KCNH3: variants seen among roughly 807,000 people sequenced by gnomAD.
KCNH3 encodes potassium voltage-gated channel subfamily H member 3.
KCNH3 carries 36 observed loss-of-function variants against 95.6 expected under a neutral mutation model. That is an observed-to-expected ratio of 0.38 (90% CI 0.29 to 0.50). KCNH3 has a LOEUF of 0.50. KCNH3 is among the 20% of genes least tolerant of loss of function. KCNH3 has a pLI of 0.95. For synonymous variants in KCNH3, 620 were observed against 646.3 expected, an observed-to-expected ratio of 0.96 and a Z score of 0.62; for missense variants, 1,030 against 1,484.1, an observed-to-expected ratio of 0.69 and a Z score of 5.03.
chr12:49,552,148 T>C (rs957503377), intron 10 of KCNH3, among the ~76,000 whole-genome samples: 1 of 152,212 alleles, frequency 6.6e-6, no homozygotes, highest in African/African-American at 2.4e-5. Flanking sequence ...TTTTCACCAC[T>C]GTAGACTGGT....
At chr12:49,556,675 A>G in intron 13 of KCNH3, 199 bp downstream of exon 13, 1 of 699,994 alleles carries the variant, frequency 1.4e-6, no homozygotes, top group Non-Finnish European at 2.6e-6. Context: ...CGACGCAGCC[A>G]GGAACTGGGT....
At chr12:49,551,681 G>A (rs977516840) in intron 10 of KCNH3, among the ~76,000 whole-genome samples, 4 of 152,126 alleles carry the variant, frequency 2.6e-5, no homozygotes, top group Admixed American at 2.6e-4. Context: ...CATGTGACCG[G>A]TGTGGGTAGT....
Position 49,544,025 on chromosome 12 carries a change from A to G in KCNH3, c.934A>G (p.Ile312Val). 1 of 1,613,896 alleles carries G rather than the reference A, an allele frequency of 6.2e-7. No homozygotes were observed. Among genetic ancestry groups the G allele is most frequent in the Non-Finnish European group, 8.5e-7 (1 of 1,179,744 alleles). ...CACCACCTGGTTCCTGCTGGATGTCATCGCAGCGCTGCCCTTTGACCTGCT... is the reference window on the plus strand; with the variant it reads ...CACCACCTGGTTCCTGCTGGATGTCGTCGCAGCGCTGCCCTTTGACCTGCT... ...YVTTWFLLDV[I>V]AALPFDLLHA... is the part of the protein sequence containing the mutation. The change falls in exon 6 of 15, where the codon ATC (isoleucine) becomes GTC (valine). Residue 312 changes from isoleucine (I) to valine (V), a missense_variant. Coordinates refer to ENST00000257981, the MANE Select transcript of KCNH3 (RefSeq NM_012284.3).
chr12:49,541,089 G>A lies in KCNH3; in HGVS notation c.267G>A (p.Glu89=), dbSNP rs1232434754. Reference sequence around the variant, plus strand: ...AACAGATCCGCAAGGCCCTGGACGAGCACAAGGAGTTCAAGGCTGAGCTGA... The same window carrying A: ...AACAGATCCGCAAGGCCCTGGACGAACACAAGGAGTTCAAGGCTGAGCTGA... ...VRQQIRKALD[E]HKEFKAELIL... Residue 89 remains glutamate (E), a synonymous_variant, in exon 2 of 15, where the codon GAG becomes GAA. Transcript: ENST00000257981. 4 of 1,610,516 alleles carry A rather than the reference G, an allele frequency of 2.5e-6. No individual in the cohort carries two copies. The highest frequency in any genetic ancestry group is 3.3e-5 in the Admixed American group (2 of 60,036).
intron 7 of KCNH3, among the ~76,000 whole-genome samples, chr12:49,548,135 C>T (rs563243224): frequency 0.032 from 4,247 of 131,980 alleles, 94 homozygotes; most frequent in Middle Eastern, 0.078. Flanking sequence ...TGTGTGTGTG[C>T]GCGCGCACCT....
intron 10 of KCNH3, among the ~76,000 whole-genome samples, chr12:49,551,574 CAAAAAAAAAAAAAA>C (rs59344956): frequency 3.5e-5 from 2 of 57,556 alleles, no homozygotes; most frequent in African/African-American, 5.4e-5. Flanking sequence ...GACTCTGTCT[CAAAAAAAAAAAAAA>C]AAAAAAAAAA....
chr12:49,557,338 C>T lies in KCNH3; in HGVS notation c.2653-16C>T, dbSNP rs1240033970. ...GGCTGACTCCATTCTGACCTCGCCTCCTCCCTCCCCCAAAGGTGACAGAGC... is the reference window on the plus strand; with the variant it reads ...GGCTGACTCCATTCTGACCTCGCCTTCTCCCTCCCCCAAAGGTGACAGAGC... On this transcript the variant is annotated splice_polypyrimidine_tract_variant and intron_variant, in intron 14 of 14. Transcript: ENST00000257981. 4 of 1,610,260 alleles carry T rather than the reference C, an allele frequency of 2.5e-6. No individual in the cohort carries two copies. The Admixed American group carries it at 5.0e-5, about 20-fold the overall frequency.
intron 10 of KCNH3, among the ~76,000 whole-genome samples, chr12:49,553,696 G>C (rs953197864): frequency 6.6e-6 from 1 of 152,198 alleles, no homozygotes; most frequent in Non-Finnish European, 1.5e-5. Context: ...TAACCTGCCT[G>C]TGGGAAAACC....
chr12:49,555,284 CAAAA>C (rs1157061451), intron 11 of KCNH3, among the ~76,000 whole-genome samples: 1 of 66,870 alleles, frequency 1.5e-5, no homozygotes. Flanking sequence ...ACTAAAAATA[CAAAA>C]AAAAAAAAAA....
Position 49,549,189 on chromosome 12 carries a change from C to G in KCNH3, c.1468+16C>G. On this transcript the variant is annotated intron_variant, in intron 8 of 14. Coordinates refer to ENST00000257981, the MANE Select transcript of KCNH3 (RefSeq NM_012284.3). ...CTCATCGGCGGTGAGCCCGGCCGCG[C>G]GCGTCTTCCCGGGGCCACTCCCAGA... The G allele has an allele frequency of 1.9e-6, 3 of 1,565,940 alleles. No individual in the cohort carries two copies. The highest frequency in any genetic ancestry group is 1.4e-5 in the African/African-American group (1 of 73,670).
In KCNH3 at chr12:49,548,890, C is replaced by T; in HGVS notation, c.1190-5C>T. On this transcript the variant is annotated splice_polypyrimidine_tract_variant and splice_region_variant and intron_variant, in intron 7 of 14. Transcript: ENST00000257981. ...CCTGCTCAGGCCCTGCTGTTCCCCC[C>T]TCAGGCTGGCTGCAGGAGCTGGCCC... The T allele has an allele frequency of 6.4e-7, 1 of 1,561,814 alleles. No individual in the cohort carries two copies. Among genetic ancestry groups the T allele is most frequent in the Non-Finnish European group, 8.7e-7 (1 of 1,154,340 alleles).
Position 49,544,395 on chromosome 12 carries a change from C to A in KCNH3, c.1189+13C>A. 2.5e-6 allele frequency: 4 copies of A among 1,611,400 alleles called. No homozygotes were observed. Among genetic ancestry groups the A allele is most frequent in the Non-Finnish European group, 3.4e-6 (4 of 1,179,558 alleles). ...CTGCCTGAGATTGGTACTGGAGGCT[C>A]CCTCTGCATGTGGTGGGGAGGGAGT... On this transcript the variant is annotated intron_variant, in intron 7 of 14. Transcript: ENST00000257981.
intron 7 of KCNH3, 30 bp downstream of exon 7, chr12:49,544,412 G>A (rs1305764546): frequency 6.2e-7 from 1 of 1,601,580 alleles, no homozygotes; most frequent in South Asian, 1.1e-5. Flanking sequence ...CATGTGGTGG[G>A]GAGGGAGTTG....
At position 49,558,329 on chromosome 12, in the gene KCNH3, A is replaced by G. The variant is rs1938560395; in HGVS notation, c.*376A>G. ...TGGAACCTGGTGCTTTTTATTTACAAAAGAAAAACAATAAAAGAAGAGTCT... is the reference window on the plus strand; with the variant it reads ...TGGAACCTGGTGCTTTTTATTTACAGAAGAAAAACAATAAAAGAAGAGTCT... On this transcript the variant is annotated 3_prime_UTR_variant, in exon 15 of 15. Transcript: ENST00000257981. The G allele has an allele frequency of 2.5e-6, 1 of 405,424 alleles. No homozygotes were observed. Among genetic ancestry groups the G allele is most frequent in the Non-Finnish European group, 4.3e-6 (1 of 230,742 alleles). The allele number at this position is 405,424 out of a possible 1,614,324, so 25.1% of individuals were successfully genotyped here.
Position 49,550,229 on chromosome 12 carries a change from C to A in KCNH3, c.1818C>A (p.Gly606=). ...LALRPAFCTP[G]EYLIHQGDAL... is the part of the protein sequence containing the mutation. ...TGCGGCCCGCCTTCTGCACGCCGGG[C>A]GAGTACCTCATCCACCAAGGCGATG... Residue 606 remains glycine (G), a synonymous_variant, in exon 10 of 15, where the codon GGC becomes GGA. Transcript: ENST00000257981. 1 of 1,609,546 alleles carries A rather than the reference C, an allele frequency of 6.2e-7. No homozygotes were observed. Among genetic ancestry groups the A allele is most frequent in the South Asian group, 1.1e-5 (1 of 91,084 alleles).
intron 1 of KCNH3, 22 bp from the exon 2 acceptor site, chr12:49,540,877 T>C (rs1937848128): frequency 6.2e-7 from 1 of 1,605,828 alleles, no homozygotes; most frequent in Non-Finnish European, 8.5e-7. Context: ...CCACGCCTCC[T>C]CTGAGAAGTG....
chr12:49,552,508 C>T (rs1258996830), intron 10 of KCNH3, among the ~76,000 whole-genome samples: 1 of 152,218 alleles, frequency 6.6e-6, no homozygotes, highest in Non-Finnish European at 1.5e-5. Flanking sequence ...CAATCATGGT[C>T]GGGTTCTCTG....
intron 12 of KCNH3, 142 bp from the exon 13 acceptor site, chr12:49,556,228 C>A: frequency 1.5e-6 from 1 of 689,106 alleles, no homozygotes; most frequent in Non-Finnish European, 2.6e-6. Context: ...GGGAAGGGAC[C>A]CCATGTTAGC....
In KCNH3 at chr12:49,543,505, C is replaced by T. The variant is rs751079105; in HGVS notation, c.810C>T (p.Val270=). ...GCGTCTGTGACCTGGCCGTGGAGGT[C>T]CTCTTCATCCTTGGTGCGTGCACTC... ...PPSVCDLAVE[V]LFILDIVLNF... is the part of the protein sequence containing the mutation. The change falls in exon 5 of 15, where the codon GTC becomes GTT. Residue 270 remains valine, a synonymous_variant. Coordinates refer to ENST00000257981, the MANE Select transcript of KCNH3 (RefSeq NM_012284.3). The T allele has an allele frequency of 3.8e-6, 6 of 1,597,524 alleles. No homozygotes were observed. The highest frequency in any genetic ancestry group is 1.1e-5 in the South Asian group (1 of 91,022).
Sources: allele counts gnomAD v4.1 joint callset (sites outside exome capture counted in the v4.1 genomes callset), GRCh38; gene constraint gnomAD v4.1.1; transcripts MANE v1.5; gene names NCBI Gene and HGNC (gene_info 2026-07-23, HGNC 2026-07-21).